PDZD2: variants seen among roughly 807,000 people sequenced by gnomAD.
PDZD2 encodes PDZ domain containing 2.
Under a neutral mutation model 220.7 loss-of-function variants are expected in PDZD2, and 90 were observed. The observed-to-expected ratio is 0.41, with a 90% CI of 0.34 to 0.49. The LOEUF (loss-of-function observed/expected upper bound fraction) is 0.49, where lower values mean the gene tolerates loss of function less well. Among genes scored for constraint, PDZD2 ranks in the 20% least tolerant of loss-of-function variants. The pLI, the probability that PDZD2 is intolerant of heterozygous loss-of-function variation, is 0.28. For missense variants in PDZD2, 3,174 were observed against 3,608.5 expected (o/e 0.88, Z 3.08); for synonymous variants, 1,375 against 1,450.5 (o/e 0.95, Z 1.18).
At chr5:31,886,624 T>C (rs1280588597) in intron 2 of PDZD2, among the ~76,000 whole-genome samples, 1 of 84,622 alleles carries the variant, frequency 1.2e-5, no homozygotes, top group South Asian at 2.8e-4. Context: ...TGAGGTCTTA[T>C]TGGAGGACCC....
chr5:32,053,703 A>G (rs1052674609), intron 9 of PDZD2, 66 bp from the exon 10 acceptor site: 12 of 890,624 alleles, frequency 1.3e-5, no homozygotes, highest in Middle Eastern at 2.2e-4. Flanking sequence ...AAATACTACA[A>G]TGGGAAAGAT....
chr5:31,980,531 ACT>A (rs1277318032), intron 2 of PDZD2, among the ~76,000 whole-genome samples: 1 of 152,094 alleles, frequency 6.6e-6, no homozygotes, highest in Non-Finnish European at 1.5e-5. Flanking sequence ...TGGGCATCCC[ACT>A]CTCAATCTAG....
At chr5:31,744,862 A>G (rs1400058790) in intron 1 of PDZD2, among the ~76,000 whole-genome samples, 1 of 151,918 alleles carries the variant, frequency 6.6e-6, no homozygotes, top group African/African-American at 2.4e-5. Context: ...TGAGGTCAGG[A>G]GATTGAGACC....
chr5:31,898,944 C>T (rs893023107), intron 2 of PDZD2, among the ~76,000 whole-genome samples: 1 of 151,584 alleles, frequency 6.6e-6, no homozygotes, highest in Non-Finnish European at 1.5e-5. Flanking sequence ...TCTCCTGCCT[C>T]AGCCTCCCGA....
chr5:31,885,097 C>A (rs1740327276), intron 2 of PDZD2, among the ~76,000 whole-genome samples: 1 of 148,586 alleles, frequency 6.7e-6, no homozygotes. Flanking sequence ...AGTAAAATAC[C>A]CAGAAGAAAA....
intron 6 of PDZD2, among the ~76,000 whole-genome samples, chr5:32,035,930 G>T (rs1755503835): frequency 6.6e-6 from 1 of 151,990 alleles, no homozygotes; most frequent in Non-Finnish European, 1.5e-5. Context: ...ATCAACCTTT[G>T]TTTTGTTTTG....
At chr5:31,727,007 G>T (rs1224183674) in intron 1 of PDZD2, among the ~76,000 whole-genome samples, 1 of 152,116 alleles carries the variant, frequency 6.6e-6, no homozygotes, top group Non-Finnish European at 1.5e-5. Flanking sequence ...CATGGCAGGA[G>T]CATGCGAGAG....
At chr5:31,880,996 T>C (rs1739846654) in intron 2 of PDZD2, among the ~76,000 whole-genome samples, 1 of 151,686 alleles carries the variant, frequency 6.6e-6, no homozygotes, top group Non-Finnish European at 1.5e-5. Flanking sequence ...GAGACGGGGT[T>C]TCACCACGTT....
chr5:31,656,992 C>G (rs1745575462), intron 1 of PDZD2, among the ~76,000 whole-genome samples: 1 of 152,170 alleles, frequency 6.6e-6, no homozygotes, highest in African/African-American at 2.4e-5. Context: ...AAATGAAGTT[C>G]TTAACATCTT....
At chr5:31,911,782 A>G (rs1743228353) in intron 2 of PDZD2, among the ~76,000 whole-genome samples, 1 of 152,186 alleles carries the variant, frequency 6.6e-6, no homozygotes, top group African/African-American at 2.4e-5. Context: ...CTGAGTCCCC[A>G]GGAGCTGAGG....
intron 2 of PDZD2, chr5:31,822,608 T>G: frequency 7.9e-7 from 1 of 1,264,278 alleles, no homozygotes; most frequent in Non-Finnish European, 1.1e-6. Flanking sequence ...ATAGATACCA[T>G]CCAAAAATTT....
At chr5:31,645,202 G>A (rs1745089121) in intron 1 of PDZD2, among the ~76,000 whole-genome samples, 1 of 152,112 alleles carries the variant, frequency 6.6e-6, no homozygotes, top group Non-Finnish European at 1.5e-5. Context: ...AAGGATCTAT[G>A]GTTTTAACAG....
At chr5:31,859,822 A>G (rs1737516032) in intron 2 of PDZD2, among the ~76,000 whole-genome samples, 1 of 152,226 alleles carries the variant, frequency 6.6e-6, no homozygotes, top group African/African-American at 2.4e-5. Flanking sequence ...CTCAGAATCT[A>G]GAACAATGCC....
intron 1 of PDZD2, among the ~76,000 whole-genome samples, chr5:31,647,628 T>C (rs995392834): frequency 2.6e-5 from 4 of 152,344 alleles, no homozygotes; most frequent in South Asian, 2.1e-4. Flanking sequence ...GTCTCTACTT[T>C]GTGTGTCTCA....
chr5:32,068,454 T>C (rs1214541563), intron 14 of PDZD2, among the ~76,000 whole-genome samples: 1 of 152,224 alleles, frequency 6.6e-6, no homozygotes, highest in African/African-American at 2.4e-5. Flanking sequence ...TATTACATAG[T>C]TCAGCTGACA....
chr5:31,791,898 A>G (rs1166102797), intron 1 of PDZD2, among the ~76,000 whole-genome samples: 1 of 152,182 alleles, frequency 6.6e-6, no homozygotes, highest in Non-Finnish European at 1.5e-5. Context: ...TTTGGGGTGT[A>G]ATTCAGATAA....
At chr5:31,642,709 G>A (rs945886082) in intron 1 of PDZD2, among the ~76,000 whole-genome samples, 1 of 152,218 alleles carries the variant, frequency 6.6e-6, no homozygotes, top group African/African-American at 2.4e-5. Flanking sequence ...GAAGAGGTGA[G>A]CAAGTGCAGG....
chr5:31,923,551 C>A (rs1744476048), intron 2 of PDZD2: 1 of 887,828 alleles, frequency 1.1e-6, no homozygotes, highest in Admixed American at 1.7e-5. Context: ...ATTTGGTCTT[C>A]TGGATTTGGA....
chr5:32,084,749 G>T (rs1742274803), intron 19 of PDZD2, among the ~76,000 whole-genome samples: 1 of 151,438 alleles, frequency 6.6e-6, no homozygotes, highest in South Asian at 2.1e-4. Context: ...TTTTTTCCCT[G>T]TTGCAAGATG....
Sources: gnomAD v4.1 joint callset for allele counts (sites outside exome capture counted in the v4.1 genomes callset) on GRCh38, gnomAD v4.1.1 for gene constraint, MANE v1.5 for transcripts, NCBI Gene and HGNC (gene_info 2026-07-23, HGNC 2026-07-21) for gene names.